The following GPHN variants were observed in gnomAD, a reference collection of about 807,000 sequenced individuals.
The protein encoded by GPHN is gephyrin.
GPHN carries 17 observed loss-of-function variants against 95.5 expected under a neutral mutation model. The ratio of observed to expected loss-of-function variants is 0.18; its 90% CI spans 0.12 to 0.27. The LOEUF is 0.27. Among genes scored for constraint, GPHN ranks in the 10% least tolerant of loss-of-function variants. The pLI is 1.00. For missense variants in GPHN, 660 were observed against 978.1 expected (o/e 0.67, Z 4.34); for synonymous variants, 320 against 322.5 (o/e 0.99, Z 0.08).
intron 22 of GPHN, among the ~76,000 whole-genome samples, chr14:67,180,315 T>C (rs905643520): frequency 1.3e-5 from 2 of 152,168 alleles, no homozygotes; most frequent in Non-Finnish European, 2.9e-5. Context: ...CAGAGAGAAC[T>C]GCATTCAAAC....
intron 11 of GPHN, among the ~76,000 whole-genome samples, chr14:67,078,456 T>C (rs2076576898): frequency 6.6e-6 from 1 of 152,162 alleles, no homozygotes. Flanking sequence ...CCGGTTCCCA[T>C]TTAAGTTTGA....
chr14:67,017,485 CAAAG>C (rs1228262199), intron 9 of GPHN, among the ~76,000 whole-genome samples: 1 of 151,966 alleles, frequency 6.6e-6, no homozygotes, highest in Non-Finnish European at 1.5e-5. Context: ...AGATGGTACT[CAAAG>C]AAGTTCATTC....
chr14:67,286,126 G>C, the GPHN span, among the ~76,000 whole-genome samples: 1 of 152,194 alleles, frequency 6.6e-6, no homozygotes, highest in Non-Finnish European at 1.5e-5. Context: ...TTACAGACTT[G>C]AATTTACTAC....
At chr14:66,715,274 C>T (rs546432456) in intron 2 of GPHN, among the ~76,000 whole-genome samples, 5 of 152,048 alleles carry the variant, frequency 3.3e-5, no homozygotes, top group Admixed American at 1.3e-4. Flanking sequence ...TTAAGGTGTC[C>T]GTAGTAGCCT....
At chr14:67,161,208 C>T (rs913853429) in intron 19 of GPHN, among the ~76,000 whole-genome samples, 2 of 151,980 alleles carry the variant, frequency 1.3e-5, no homozygotes, top group African/African-American at 4.8e-5. Flanking sequence ...GCTGAAGAAT[C>T]GCTTGAGCTG....
At chr14:66,843,423 C>T (rs1203323560) in intron 4 of GPHN, among the ~76,000 whole-genome samples, 1 of 152,164 alleles carries the variant, frequency 6.6e-6, no homozygotes, top group Non-Finnish European at 1.5e-5. Flanking sequence ...CTACACTTGC[C>T]TTGTGCCACT....
intron 1 of GPHN, among the ~76,000 whole-genome samples, chr14:66,541,313 T>C (rs1035956051): frequency 7.4e-4 from 112 of 152,162 alleles, no homozygotes; most frequent in African/African-American, 2.6e-3. Context: ...TTTTTCATTC[T>C]CTGAGAGAAA....
At chr14:67,312,684 A>G in the GPHN span, 1 of 1,610,870 alleles carries the variant, frequency 6.2e-7, no homozygotes, top group African/African-American at 1.3e-5. Flanking sequence ...GACGAAGATA[A>G]TCAACCTCTA....
chr14:66,642,317 G>A (rs951862844), intron 1 of GPHN, among the ~76,000 whole-genome samples: 4 of 152,110 alleles, frequency 2.6e-5, no homozygotes, highest in Non-Finnish European at 4.4e-5. Context: ...GCAGCAGAAG[G>A]GGGAGTCATT....
the GPHN span, chr14:67,562,226 C>A: frequency 6.2e-6 from 10 of 1,612,176 alleles, no homozygotes; most frequent in Non-Finnish European, 7.6e-6. Flanking sequence ...GGGAATCCAG[C>A]CTATGGGCCA....
intron 2 of GPHN, among the ~76,000 whole-genome samples, chr14:66,720,046 A>G (rs1332738004): frequency 6.6e-6 from 1 of 152,106 alleles, no homozygotes; most frequent in Non-Finnish European, 1.5e-5. Context: ...TATTTCCAAG[A>G]TTTTGATATT....
At chr14:67,433,701 G>A in the GPHN span, among the ~76,000 whole-genome samples, 1 of 152,122 alleles carries the variant, frequency 6.6e-6, no homozygotes, top group African/African-American at 2.4e-5. Context: ...ATATTTCACT[G>A]GGGTAAAGAC....
At chr14:67,045,769 C>G (rs1436725278) in intron 10 of GPHN, among the ~76,000 whole-genome samples, 2 of 151,836 alleles carry the variant, frequency 1.3e-5, no homozygotes, top group East Asian at 3.9e-4. Flanking sequence ...CTCTCTTTCT[C>G]TGTCACTGTC....
chr14:66,945,903 G>A (rs942426289), intron 8 of GPHN, among the ~76,000 whole-genome samples: 1 of 152,130 alleles, frequency 6.6e-6, no homozygotes, highest in African/African-American at 2.4e-5. Flanking sequence ...TGTGCTTAAA[G>A]AACAAACTTT....
intron 1 of GPHN, among the ~76,000 whole-genome samples, chr14:66,597,967 C>T (rs2062056369): frequency 1.3e-5 from 2 of 152,122 alleles, no homozygotes; most frequent in South Asian, 4.1e-4. Context: ...AGAAGGAAAT[C>T]CTGTCATTCT....
At chr14:66,943,674 T>C (rs2067559716) in intron 8 of GPHN, among the ~76,000 whole-genome samples, 1 of 45,882 alleles carries the variant, frequency 2.2e-5, no homozygotes, top group Admixed American at 3.2e-4. Flanking sequence ...CTTTAAAAAT[T>C]TTTTTGATCC....
intron 19 of GPHN, among the ~76,000 whole-genome samples, chr14:67,164,148 A>C (rs1011117711): frequency 5.3e-5 from 8 of 151,352 alleles, no homozygotes; most frequent in Non-Finnish European, 1.0e-4. Flanking sequence ...CGTGCCTGTA[A>C]TCCCAGCTAC....
intron 4 of GPHN, among the ~76,000 whole-genome samples, chr14:66,858,411 C>G (rs1238886022): frequency 9.9e-5 from 15 of 151,808 alleles, no homozygotes; most frequent in Non-Finnish European, 7.4e-5. Context: ...CTAAACACAC[C>G]CTGGGCCAGA....
At chr14:66,515,140 C>T (rs781608733) in intron 1 of GPHN, among the ~76,000 whole-genome samples, 2 of 152,138 alleles carry the variant, frequency 1.3e-5, no homozygotes, top group Non-Finnish European at 2.9e-5. Flanking sequence ...TTGGGAGCAA[C>T]TTGCCACAGT....
Sources: gnomAD v4.1 joint callset for allele counts (sites outside exome capture counted in the v4.1 genomes callset) on GRCh38, gnomAD v4.1.1 for gene constraint, MANE v1.5 for transcripts, NCBI Gene and HGNC (gene_info 2026-07-23, HGNC 2026-07-21) for gene names.